The following PEX3 variants were observed in gnomAD, a reference collection of about 807,000 sequenced individuals.
PEX3 encodes peroxisomal biogenesis factor 3, also known as peroxin-3.
PEX3 carries 30 observed loss-of-function variants against 55.8 expected under a neutral mutation model. That is an observed-to-expected ratio of 0.54 (90% CI 0.40 to 0.73). PEX3 has a LOEUF of 0.73. PEX3 is among the 30% of genes least tolerant of loss of function. The probability of loss-of-function intolerance (pLI) is 0.00; values close to 1 mark genes in which losing one functional copy is unlikely to be tolerated. For missense variants in PEX3, 351 were observed against 432.8 expected (o/e 0.81, Z 1.68); for synonymous variants, 135 against 148.4 (o/e 0.91, Z 0.66).
Position 143,467,854 on chromosome 6 carries a change from C to T in PEX3, c.288-268C>T, listed in dbSNP as rs545749037. Among the ~76,000 whole-genome samples the T allele has an allele frequency of 2.6e-5, 4 of 152,190 alleles. No individual in the cohort carries two copies. In the South Asian group the frequency reaches 8.3e-4, roughly 32 times the overall value. Reference sequence around the variant, plus strand: ...GTTAGGGAAAAGAAAGAAATATTTCCTCTGCATTTCCTATATGATTTTGTA... The same window carrying T: ...GTTAGGGAAAAGAAAGAAATATTTCTTCTGCATTTCCTATATGATTTTGTA... On this transcript the variant is annotated intron_variant, in intron 3 of 11. Transcript: ENST00000367591.
At chr6:143,473,780 A>C (rs1370276629) in intron 8 of PEX3, among the ~76,000 whole-genome samples, 1 of 151,778 alleles carries the variant, frequency 6.6e-6, no homozygotes, top group African/African-American at 2.4e-5. Flanking sequence ...GCTGAGGAGG[A>C]AGGATTTTTT....
chr6:143,480,590 A>G (rs1379877690), intron 10 of PEX3, among the ~76,000 whole-genome samples: 1 of 152,158 alleles, frequency 6.6e-6, no homozygotes, highest in Non-Finnish European at 1.5e-5. Flanking sequence ...CACTCAGTAG[A>G]TATTTTCTAT....
rs1234136460 is a variant in PEX3, at chr6:143,462,216, AAAC to A, written c.206-695_206-693del. ...ATTCCTGGGAGTAAGAAACAATAAC[AAAC>A]AACAGCCACTGACAAAACTAAAACT... On this transcript the variant is annotated intron_variant, in intron 2 of 11. Coordinates refer to ENST00000367591, the MANE Select transcript of PEX3 (RefSeq NM_003630.3). The surrounding 1 kb of genome is among the most constrained non-coding windows in gnomAD (Gnocchi z 4.1). Among the ~76,000 whole-genome samples, 3 of 152,208 alleles carry A rather than the reference AAAC, an allele frequency of 2.0e-5. No homozygotes were observed. The highest frequency in any genetic ancestry group is 4.4e-5 in the Non-Finnish European group (3 of 68,026).
Position 143,486,377 on chromosome 6 carries a change from A to G in PEX3, c.1038+1129A>G, listed in dbSNP as rs980375068. On this transcript the variant is annotated intron_variant, in intron 11 of 11. Transcript: ENST00000367591. The surrounding 1 kb of genome is among the most constrained non-coding windows in gnomAD (Gnocchi z 5.0). ...TTTTGACAGATGAGTGGAAATTACA[A>G]CCAAGCATAAAGCATCATCAGCCTT... 6.6e-6 allele frequency among the ~76,000 whole-genome samples: 1 copy of G among 152,138 alleles called. No individual in the cohort carries two copies. The highest frequency in any genetic ancestry group is 2.4e-5 in the African/African-American group (1 of 41,446).
intron 8 of PEX3, among the ~76,000 whole-genome samples, chr6:143,474,021 A>G (rs1780113457): frequency 6.6e-6 from 1 of 151,984 alleles, no homozygotes; most frequent in South Asian, 2.1e-4. Flanking sequence ...CCTAACTACT[A>G]CTTAGGAAGC....
chr6:143,481,146 A>ATT (rs1780234523), intron 10 of PEX3, among the ~76,000 whole-genome samples: 2 of 101,578 alleles, frequency 2.0e-5, no homozygotes, highest in Middle Eastern at 3.9e-3. Flanking sequence ...AAAGGCTTTA[A>ATT]TTTATATATA....
At chr6:143,480,794 C>T (rs1250630163) in intron 10 of PEX3, among the ~76,000 whole-genome samples, 5 of 151,976 alleles carry the variant, frequency 3.3e-5, no homozygotes, top group South Asian at 2.1e-4. Context: ...GTGGATTGCA[C>T]GAGCCCAGGA....
intron 3 of PEX3, among the ~76,000 whole-genome samples, chr6:143,467,884 A>G (rs1413018318): frequency 2.0e-5 from 3 of 152,166 alleles, no homozygotes; most frequent in East Asian, 1.9e-4. Flanking sequence ...TTTGTAATCT[A>G]TCTATACATA....
chr6:143,470,941 C>T lies in PEX3; in HGVS notation c.332-20C>T. On this transcript the variant is annotated intron_variant, in intron 4 of 11. Coordinates refer to ENST00000367591, the MANE Select transcript of PEX3 (RefSeq NM_003630.3). Reference sequence around the variant, plus strand: ...TTTGTATTAATCACAGTACCAAATGCTTTTCTTTTCTCTGTGAAGGTTTCA... The same window carrying T: ...TTTGTATTAATCACAGTACCAAATGTTTTTCTTTTCTCTGTGAAGGTTTCA... 3 of 1,605,266 alleles carry T rather than the reference C, an allele frequency of 1.9e-6. No individual in the cohort carries two copies. Among genetic ancestry groups the T allele is most frequent in the East Asian group, 2.2e-5 (1 of 44,720 alleles).
intron 8 of PEX3, among the ~76,000 whole-genome samples, chr6:143,473,674 G>A (rs1182662009): frequency 6.6e-6 from 1 of 151,988 alleles, no homozygotes. Flanking sequence ...GACCAGCCTG[G>A]GCAACATAGC....
chr6:143,474,375 C>T (rs1780121452), intron 8 of PEX3, among the ~76,000 whole-genome samples: 2 of 151,474 alleles, frequency 1.3e-5, no homozygotes, highest in South Asian at 4.2e-4. Flanking sequence ...AGGAGAATCA[C>T]TTGAACCTCG....
In PEX3 at chr6:143,450,828, C is replaced by T. The variant is rs1171562716; in HGVS notation, c.-215C>T. The T allele has an allele frequency of 1.0e-4, 80 of 765,282 alleles. No homozygotes were observed. In the South Asian group the frequency reaches 1.2e-3, roughly 12 times the overall value. The allele number at this position is 765,282 out of a possible 1,614,324, so 47.4% of individuals were successfully genotyped here. A position where few individuals can be genotyped will look rare whatever the true frequency, so the allele number is the denominator to read the frequency against. On this transcript the variant is annotated 5_prime_UTR_variant, in exon 1 of 12. Coordinates refer to ENST00000367591, the MANE Select transcript of PEX3 (RefSeq NM_003630.3). ...CCAGTGAGCGGCGGCGGCTGCGCGG[C>T]GGCAGCGGCAGAAAGCGTAGCTGCT...
chr6:143,451,055 G>A lies in PEX3; in HGVS notation c.13G>A (p.Val5Ile), dbSNP rs1208032215. 6.2e-7 allele frequency: 1 copy of A among 1,613,192 alleles called. No homozygotes were observed. The highest frequency in any genetic ancestry group is 1.1e-5 in the South Asian group (1 of 91,062). The change falls in exon 1 of 12, where the codon GTA (valine) becomes ATA (isoleucine). Residue 5 changes from valine (V) to isoleucine (I), a missense_variant. Transcript: ENST00000367591. This position sits in a 1 kb window ranked among gnomAD's most constrained non-coding sequence, Gnocchi z 4.1. The stretch of plus-strand genomic sequence containing the variant: ...CTAGGGCCTAAAGATGCTGAGGTCT[G>A]TATGGAATTTTCTGAAACGCCACAA... MLRS[V>I]WNFLKRHKKK...
chr6:143,468,373 G>A (rs1416536410), intron 4 of PEX3, among the ~76,000 whole-genome samples: 1 of 152,144 alleles, frequency 6.6e-6, no homozygotes, highest in Non-Finnish European at 1.5e-5. Flanking sequence ...TTATTATGAT[G>A]ATGATGGTAG....
chr6:143,461,581 G>GAA (rs34748871), intron 2 of PEX3, among the ~76,000 whole-genome samples: 2 of 143,980 alleles, frequency 1.4e-5, no homozygotes, highest in Middle Eastern at 3.5e-3. Context: ...TGATATACTA[G>GAA]AAAAAAAAAA....
chr6:143,467,049 G>A (rs1780002044), intron 3 of PEX3, among the ~76,000 whole-genome samples: 1 of 151,976 alleles, frequency 6.6e-6, no homozygotes, highest in Admixed American at 6.6e-5. Context: ...GACAGAAACT[G>A]TGCTAAATTA....
chr6:143,470,283 A>G (rs573910274), intron 4 of PEX3, among the ~76,000 whole-genome samples: 1 of 152,128 alleles, frequency 6.6e-6, no homozygotes, highest in South Asian at 2.1e-4. Flanking sequence ...CAAGATTTCT[A>G]CATTCCCTTT....
intron 1 of PEX3, among the ~76,000 whole-genome samples, chr6:143,457,928 G>A (rs374568391): frequency 9.2e-5 from 14 of 152,162 alleles, no homozygotes; most frequent in South Asian, 2.1e-4. Context: ...TTGAACTAGC[G>A]GCTAAGGATC....
At chr6:143,461,223 A>G (rs182821132) in intron 2 of PEX3, among the ~76,000 whole-genome samples, 1 of 152,282 alleles carries the variant, frequency 6.6e-6, no homozygotes, top group African/African-American at 2.4e-5. Context: ...ACCTGCAGAA[A>G]TGGGCCTGCT....
Sources: allele counts gnomAD v4.1 joint callset (sites outside exome capture counted in the v4.1 genomes callset), GRCh38; gene constraint gnomAD v4.1.1; non-coding constraint Gnocchi (gnomAD v3.1); transcripts MANE v1.5; gene names NCBI Gene and HGNC (gene_info 2026-07-23, HGNC 2026-07-21).